Variants in IKZF2 observed in about 807,000 individuals in gnomAD.
IKZF2 encodes IKAROS family zinc finger 2.
In IKZF2, 15 loss-of-function variants were observed where a neutral mutation model predicts 49.2. The observed-to-expected ratio is 0.30, with a 90% confidence interval of 0.20 to 0.47. The LOEUF is 0.47. IKZF2 is among the 20% of genes least tolerant of loss of function. The pLI, the probability that IKZF2 is intolerant of heterozygous loss-of-function variation, is 1.00. For synonymous variants in IKZF2, 227 were observed against 221.4 expected, an observed-to-expected ratio of 1.03 and a Z score of -0.23; for missense variants, 567 against 664.6, an observed-to-expected ratio of 0.85 and a Z score of 1.61.
intron 6 of IKZF2, among the ~76,000 whole-genome samples, chr2:213,037,450 T>C (rs1699139639): frequency 6.6e-6 from 1 of 152,100 alleles, no homozygotes; most frequent in South Asian, 2.1e-4. Context: ...TAACGAAGAG[T>C]AGATACATAA....
chr2:213,108,499 T>C (rs776030599), intron 4 of IKZF2, among the ~76,000 whole-genome samples: 3 of 152,120 alleles, frequency 2.0e-5, no homozygotes, highest in Non-Finnish European at 2.9e-5. Context: ...TGAACTGATA[T>C]GACCTGAGAT....
Position 213,007,791 on chromosome 2 carries a change from T to C in IKZF2, c.1150A>G (p.Ile384Val). 6.2e-7 allele frequency: 1 copy of C among 1,613,616 alleles called. No individual in the cohort carries two copies. The highest frequency in any genetic ancestry group is 1.1e-5 in the South Asian group (1 of 91,076). The change falls in exon 9 of 9, where the codon ATC becomes GTC. Residue 384 changes from isoleucine (I) to valine (V), a missense_variant. Coordinates refer to ENST00000434687, the MANE Select transcript of IKZF2 (RefSeq NM_001387220.1). ...DSHENNMDGPISLIRPKSRPQ... is the reference protein window; with the variant it reads ...DSHENNMDGPVSLIRPKSRPQ... Reference sequence around the variant, plus strand: ...CGACTCTTTGGTCTGATGAGAGAGATGGGGCCATCCATGTTGTTTTCATGA... The same window carrying C: ...CGACTCTTTGGTCTGATGAGAGAGACGGGGCCATCCATGTTGTTTTCATGA...
chr2:213,148,683 C>A, intron 2 of IKZF2, 39 bp from the exon 3 acceptor site: 1 of 1,496,370 alleles, frequency 6.7e-7, no homozygotes, highest in Non-Finnish European at 9.3e-7. Context: ...ACAATGATTC[C>A]TTTCAGTATC....
chr2:213,021,996 G>A lies in IKZF2; in HGVS notation c.709C>T (p.His237Tyr), dbSNP rs2125111037. 6.2e-7 allele frequency: 1 copy of A among 1,607,902 alleles called. No homozygotes were observed. The change falls in exon 7 of 9, where the codon CAT becomes TAT. Residue 237 changes from histidine (H) to tyrosine (Y), a missense_variant. Physicochemically the swap from His to Tyr is moderately conservative, Grantham distance 83. Coordinates refer to ENST00000434687, the MANE Select transcript of IKZF2 (RefSeq NM_001387220.1). ...GATGAATCCAGTTTCTACCCACCATGGTGACTCATGACCTGCCCAGCAGCC... is the reference window on the plus strand; with the variant it reads ...GATGAATCCAGTTTCTACCCACCATAGTGACTCATGACCTGCCCAGCAGCC... ...MEAAGQVMSH[H>Y]VPPMEDCKEQ...
intron 7 of IKZF2, 112 bp from the exon 8 acceptor site, chr2:213,014,046 G>C: frequency 1.1e-6 from 1 of 918,260 alleles, no homozygotes; most frequent in Non-Finnish European, 1.7e-6. Context: ...TGCTTCAGTA[G>C]AAGCAAGTAG....
At chr2:213,063,579 T>C (rs753524205) in intron 4 of IKZF2, among the ~76,000 whole-genome samples, 6 of 151,938 alleles carry the variant, frequency 3.9e-5, no homozygotes, top group Admixed American at 6.6e-5. Flanking sequence ...ATAATAATAA[T>C]AGAAAAATAA....
At chr2:213,102,591 T>C (rs1422451197) in intron 4 of IKZF2, among the ~76,000 whole-genome samples, 1 of 151,440 alleles carries the variant, frequency 6.6e-6, no homozygotes, top group East Asian at 1.9e-4. Context: ...AACTCTTCAT[T>C]AGAAATTAAA....
intron 4 of IKZF2, among the ~76,000 whole-genome samples, chr2:213,124,274 A>T (rs569471084): frequency 6.9e-6 from 1 of 145,010 alleles, no homozygotes; most frequent in East Asian, 2.0e-4. Context: ...ACACACACAC[A>T]CACACACACA....
At chr2:213,053,230 G>C (rs150850897) in intron 5 of IKZF2, among the ~76,000 whole-genome samples, 1 of 152,016 alleles carries the variant, frequency 6.6e-6, no homozygotes, top group Non-Finnish European at 1.5e-5. Context: ...CTGGATCGAG[G>C]AAAATAATTA....
chr2:213,018,684 C>A (rs1228323019), intron 7 of IKZF2, among the ~76,000 whole-genome samples: 1 of 152,172 alleles, frequency 6.6e-6, no homozygotes, highest in African/African-American at 2.4e-5. Flanking sequence ...TCTGTCTTTG[C>A]ATCACAACCT....
At chr2:213,123,541 T>A (rs536041852) in intron 4 of IKZF2, among the ~76,000 whole-genome samples, 1 of 152,284 alleles carries the variant, frequency 6.6e-6, no homozygotes, top group East Asian at 1.9e-4. Flanking sequence ...ACATGGCACA[T>A]GTAAACATAT....
intron 4 of IKZF2, among the ~76,000 whole-genome samples, chr2:213,070,681 G>C (rs780960632): frequency 4.6e-5 from 7 of 152,242 alleles, no homozygotes; most frequent in Admixed American, 2.6e-4. Flanking sequence ...AACCTAACAA[G>C]GTAAGCAGTT....
chr2:213,041,521 C>G (rs1699651545), intron 6 of IKZF2, among the ~76,000 whole-genome samples: 2 of 152,096 alleles, frequency 1.3e-5, no homozygotes, highest in Non-Finnish European at 2.9e-5. Context: ...CCAGAATGGT[C>G]TCGATCTCCT....
At chr2:213,071,894 T>C (rs769919608) in intron 4 of IKZF2, among the ~76,000 whole-genome samples, 1 of 151,832 alleles carries the variant, frequency 6.6e-6, no homozygotes, top group Non-Finnish European at 1.5e-5. Flanking sequence ...AAGCAAAACC[T>C]AAAAATATTA....
At chr2:213,098,944 C>T (rs923381514) in intron 4 of IKZF2, among the ~76,000 whole-genome samples, 9 of 152,160 alleles carry the variant, frequency 5.9e-5, no homozygotes, top group Non-Finnish European at 8.8e-5. Flanking sequence ...GAGTCAGTCA[C>T]CTCTTCTAAT....
chr2:213,089,846 C>G (rs556273288), intron 4 of IKZF2, among the ~76,000 whole-genome samples: 23 of 152,112 alleles, frequency 1.5e-4, no homozygotes, highest in African/African-American at 5.5e-4. Context: ...TAAATGCTTA[C>G]AGTAAAGGAA....
intron 4 of IKZF2, among the ~76,000 whole-genome samples, chr2:213,111,794 T>C (rs1295067162): frequency 1.3e-5 from 2 of 152,172 alleles, no homozygotes; most frequent in African/African-American, 2.4e-5. Context: ...TCCTATGTTT[T>C]TTCACTGTCT....
At position 213,057,039 on chromosome 2, in the gene IKZF2, C is replaced by G. The variant is rs772378303; in HGVS notation, c.200G>C (p.Arg67Pro). 1.2e-6 allele frequency: 2 copies of G among 1,613,638 alleles called. No individual in the cohort carries two copies. The highest frequency in any genetic ancestry group is 1.7e-6 in the Non-Finnish European group (2 of 1,179,800). ...DEECDRKPLS[R>P]EDEIRGHDEG... ...ATCATGGCCCCTGATCTCATCTTCA[C>G]GGCTCAGGGGTTTCCTGTCACACTC... The change falls in exon 5 of 9, where the codon CGT becomes CCT. Residue 67 changes from arginine (R) to proline (P), a missense_variant. Transcript: ENST00000434687.
intron 4 of IKZF2, among the ~76,000 whole-genome samples, chr2:213,070,964 T>C (rs1438495598): frequency 1.3e-5 from 2 of 152,176 alleles, no homozygotes; most frequent in African/African-American, 2.4e-5. Flanking sequence ...TACTAACATC[T>C]AGTGAAGGTG....
Sources: allele counts gnomAD v4.1 joint callset (sites outside exome capture counted in the v4.1 genomes callset), GRCh38; gene constraint gnomAD v4.1.1; transcripts MANE v1.5; gene names NCBI Gene and HGNC (gene_info 2026-07-23, HGNC 2026-07-21).